The following PEX5L variants were observed in gnomAD, a reference collection of about 807,000 sequenced individuals.
PEX5L encodes the protein PEX5-related protein.
PEX5L carries 30 observed loss-of-function variants against 84.0 expected under a neutral mutation model. The ratio of observed to expected loss-of-function variants is 0.36; its 90% CI spans 0.27 to 0.48. PEX5L has a LOEUF of 0.48. Among genes scored for constraint, PEX5L ranks in the 20% least tolerant of loss-of-function variants. PEX5L has a pLI of 0.99. For missense variants in PEX5L, 533 were observed against 754.6 expected (o/e 0.71, Z 3.44); for synonymous variants, 270 against 283.1 (o/e 0.95, Z 0.46).
At chr3:179,913,405 G>T (rs924683151) in intron 2 of PEX5L, among the ~76,000 whole-genome samples, 17 of 152,026 alleles carry the variant, frequency 1.1e-4, no homozygotes, top group Non-Finnish European at 1.5e-4. Flanking sequence ...CTTCTTTAAA[G>T]ATCTTATTGC....
At chr3:179,975,033 TA>T (rs1217727866) in intron 1 of PEX5L, among the ~76,000 whole-genome samples, 1 of 151,776 alleles carries the variant, frequency 6.6e-6, no homozygotes, top group Non-Finnish European at 1.5e-5. Context: ...CTCATCTCTA[TA>T]AAAAATTAGC....
At chr3:179,934,684 A>C (rs183046032) in intron 2 of PEX5L, among the ~76,000 whole-genome samples, 1 of 152,302 alleles carries the variant, frequency 6.6e-6, no homozygotes, top group Admixed American at 6.5e-5. Flanking sequence ...ATTATTATGA[A>C]TCTAATATCA....
chr3:179,936,441 A>G (rs1012123836), intron 2 of PEX5L, among the ~76,000 whole-genome samples: 6 of 152,210 alleles, frequency 3.9e-5, no homozygotes, highest in African/African-American at 1.4e-4. Context: ...TAAACCCAGT[A>G]AAATAGTGCC....
At position 179,901,133 on chromosome 3, in the gene PEX5L, G is replaced by A. The variant is rs28379523; in HGVS notation, c.94-2887C>T. On this transcript the variant is annotated intron_variant, in intron 2 of 14. Coordinates refer to ENST00000467460, the MANE Select transcript of PEX5L (RefSeq NM_016559.3). ...AAATTTGCTTATCAGCAGCTCTGCA[G>A]GGCTGATGACAATATAACTGTGCAG... Among the ~76,000 whole-genome samples, 1,512 of 152,274 alleles carry A rather than the reference G, an allele frequency of 9.9e-3. 24 individuals are homozygous for A. The highest frequency in any genetic ancestry group is 0.035 in the African/African-American group (1,442 of 41,536).
At position 179,880,095 on chromosome 3, in the gene PEX5L, G is replaced by C; in HGVS notation, c.339C>G (p.Asp113Glu). 2 of 1,611,786 alleles carry C rather than the reference G, an allele frequency of 1.2e-6. No homozygotes were observed. Among genetic ancestry groups the C allele is most frequent in the Non-Finnish European group, 1.7e-6 (2 of 1,178,888 alleles). The change falls in exon 5 of 15, where the codon GAC (aspartate) becomes GAG (glutamate). Residue 113 changes from aspartate (D) to glutamate (E), a missense_variant. Physicochemically the swap from Asp to Glu is conservative, Grantham distance 45. Coordinates refer to ENST00000467460, the MANE Select transcript of PEX5L (RefSeq NM_016559.3). ...GGGTTTGAGAGACTGGTTCACTCAG[G>C]TCGAGGAGATCTAAGCCAGTGGTCA... is the stretch of plus-strand genomic sequence containing the variant. The part of the protein sequence containing the change: ...AVLTTGLDLL[D>E]LSEPVSQTQT...
At chr3:179,937,199 C>A (rs1774834881) in intron 2 of PEX5L, among the ~76,000 whole-genome samples, 1 of 152,032 alleles carries the variant, frequency 6.6e-6, no homozygotes, top group African/African-American at 2.4e-5. Flanking sequence ...GTAAAAAGTT[C>A]ATATTGTTTT....
intron 8 of PEX5L, among the ~76,000 whole-genome samples, chr3:179,830,924 T>G (rs1732614383): frequency 6.6e-6 from 1 of 152,200 alleles, no homozygotes; most frequent in Non-Finnish European, 1.5e-5. Context: ...TTGCCTGTAT[T>G]AGCAAGATTT....
At position 179,994,361 on chromosome 3, in the gene PEX5L, C is replaced by A. The variant is rs140954972; in HGVS notation, c.22-22696G>T. The stretch of plus-strand genomic sequence containing the variant: ...TTTGCCAGCTTCTAGTGTGTGATGT[C>A]TTCTGGTTGTGGGAATCCACTCACT... On this transcript the variant is annotated intron_variant, in intron 1 of 14. Transcript: ENST00000467460. Among the ~76,000 whole-genome samples, 288 of 152,314 alleles carry A rather than the reference C, an allele frequency of 1.9e-3. 10 individuals carry two copies. The East Asian group carries it at 0.047, about 25-fold the overall frequency.
intron 1 of PEX5L, among the ~76,000 whole-genome samples, chr3:180,014,341 G>A (rs1376768856): frequency 6.6e-6 from 1 of 152,070 alleles, no homozygotes. Context: ...GCGTGGTGGC[G>A]GGCGCCTGGA....
intron 1 of PEX5L, among the ~76,000 whole-genome samples, chr3:180,012,658 A>G (rs1229776337): frequency 6.6e-6 from 1 of 152,162 alleles, no homozygotes; most frequent in Non-Finnish European, 1.5e-5. Flanking sequence ...TTTCAATAAC[A>G]ACAAGAAAAT....
At chr3:180,034,728 CTTTA>C (rs1224174751) in intron 1 of PEX5L, among the ~76,000 whole-genome samples, 1 of 151,998 alleles carries the variant, frequency 6.6e-6, no homozygotes, top group Non-Finnish European at 1.5e-5. Context: ...TGATTACAGT[CTTTA>C]TTTAGTAATG....
At position 180,027,925 on chromosome 3, in the gene PEX5L, G is replaced by A. The variant is rs905984144; in HGVS notation, c.21+8654C>T. Among the ~76,000 whole-genome samples the A allele has an allele frequency of 2.0e-5, 3 of 152,092 alleles. No individual in the cohort carries two copies. The South Asian group carries it at 6.2e-4, about 32-fold the overall frequency. Reference sequence around the variant, plus strand: ...TCTGTTTTCTCATAATTAGACTCAGGTTGTGCATTTTTGGCATGATTATTA... The same window carrying A: ...TCTGTTTTCTCATAATTAGACTCAGATTGTGCATTTTTGGCATGATTATTA... On this transcript the variant is annotated intron_variant, in intron 1 of 14. Coordinates refer to ENST00000467460, the MANE Select transcript of PEX5L (RefSeq NM_016559.3).
At chr3:179,887,630 A>C (rs1756315103) in intron 4 of PEX5L, 43 bp downstream of exon 4, 1 of 1,244,978 alleles carries the variant, frequency 8.0e-7, no homozygotes, top group Non-Finnish European at 1.2e-6. Context: ...ACTATAGTTA[A>C]AATTAACTCT....
intron 2 of PEX5L, among the ~76,000 whole-genome samples, chr3:179,930,110 T>C (rs1772617958): frequency 6.6e-6 from 1 of 152,198 alleles, no homozygotes; most frequent in Non-Finnish European, 1.5e-5. Context: ...TCAAACCCAC[T>C]GAATCAGACA....
intron 2 of PEX5L, among the ~76,000 whole-genome samples, chr3:179,902,863 GTTAGA>G (rs1167740349): frequency 1.3e-5 from 2 of 152,052 alleles, no homozygotes; most frequent in Non-Finnish European, 2.9e-5. Flanking sequence ...ATTGAGATAG[GTTAGA>G]TTAGAGGAAA....
chr3:179,995,066 AT>A, intron 1 of PEX5L, among the ~76,000 whole-genome samples: 1 of 148,406 alleles, frequency 6.7e-6, no homozygotes. Flanking sequence ...GTAGTTATAT[AT>A]ATAGCATAGA....
chr3:179,927,517 G>A (rs528170090), intron 2 of PEX5L, among the ~76,000 whole-genome samples: 2 of 152,314 alleles, frequency 1.3e-5, no homozygotes, highest in Admixed American at 6.5e-5. Flanking sequence ...TACTGGGGAT[G>A]AGGCAAGTAT....
intron 1 of PEX5L, among the ~76,000 whole-genome samples, chr3:180,025,936 G>A (rs1790908538): frequency 6.6e-6 from 1 of 152,124 alleles, no homozygotes; most frequent in Non-Finnish European, 1.5e-5. Context: ...TTATCTCCCT[G>A]TCACAGGTGA....
intron 2 of PEX5L, among the ~76,000 whole-genome samples, chr3:179,901,074 C>G (rs1761162719): frequency 6.6e-6 from 1 of 152,182 alleles, no homozygotes; most frequent in Non-Finnish European, 1.5e-5. Flanking sequence ...CAGAACCTGA[C>G]TGATAATTGG....
Sources: allele counts gnomAD v4.1 joint callset (sites outside exome capture counted in the v4.1 genomes callset), GRCh38; gene constraint gnomAD v4.1.1; transcripts MANE v1.5; gene names NCBI Gene and HGNC (gene_info 2026-07-23, HGNC 2026-07-21).